The following PPARG variants were observed in gnomAD, a reference collection of about 807,000 sequenced individuals.
PPARG encodes peroxisome proliferator activated receptor gamma.
Under a neutral mutation model 39.2 loss-of-function variants are expected in PPARG, and 17 were observed. The ratio of observed to expected loss-of-function variants is 0.43; its 90% CI spans 0.30 to 0.65. PPARG has a LOEUF of 0.65. Among genes scored for constraint, PPARG ranks in the 30% least tolerant of loss-of-function variants. The pLI, the probability that PPARG is intolerant of heterozygous loss-of-function variation, is 0.13. For synonymous variants in PPARG, 223 were observed against 215.7 expected (o/e 1.03, Z -0.30); for missense variants, 406 against 585.9 (o/e 0.69, Z 3.17).
rs138031960 is a variant in PPARG, at chr3:12,337,407, G to A, written c.-9+24954G>A. 1.2e-3 allele frequency among the ~76,000 whole-genome samples: 176 copies of A among 152,310 alleles called. 1 individual carries two copies. Among genetic ancestry groups the A allele is most frequent in the East Asian group, 7.3e-3 (38 of 5,190 alleles). On this transcript the variant is annotated intron_variant, in intron 2 of 7. Transcript: ENST00000651735. ...AAAAAGTGGGAGGACAGGTGGGTGT[G>A]TGGGCAGAGTATAGCAATAATATTG...
intron 2 of PPARG, among the ~76,000 whole-genome samples, chr3:12,321,278 T>TCA (rs1179779555): frequency 6.6e-6 from 1 of 152,212 alleles, no homozygotes; most frequent in Admixed American, 6.5e-5. Flanking sequence ...TTCCCTCTGA[T>TCA]ACATGGAAGT....
intron 1 of PPARG, among the ~76,000 whole-genome samples, chr3:12,311,630 C>T (rs905151152): frequency 2.6e-5 from 4 of 150,988 alleles, no homozygotes; most frequent in African/African-American, 9.8e-5. Flanking sequence ...TGTAGAATGT[C>T]GGGTCTCGAT....
Position 12,405,919 on chromosome 3 carries a change from G to A in PPARG, c.567G>A (p.Glu189=). The change falls in exon 6 of 8, where the codon GAG becomes GAA. Residue 189 remains glutamate (E), a synonymous_variant. Coordinates refer to ENST00000651735, the MANE Select transcript of PPARG (RefSeq NM_138711.6). The part of the protein sequence containing the change: ...RFGRMPQAEK[E]KLLAEISSDI... ...GGCGGATGCCACAGGCCGAGAAGGA[G>A]AAGCTGTTGGCGGAGATCTCCAGTG... The A allele has an allele frequency of 1.9e-6, 3 of 1,614,186 alleles. No individual in the cohort carries two copies. The highest frequency in any genetic ancestry group is 2.5e-6 in the Non-Finnish European group (3 of 1,180,024).
chr3:12,301,559 G>T (rs537807688), intron 1 of PPARG: 1 of 152,266 alleles, frequency 6.6e-6, no homozygotes, highest in South Asian at 2.1e-4. Flanking sequence ...AAATACCAAA[G>T]AAACTGCTTT....
chr3:12,297,960 G>A (rs1457257968), intron 1 of PPARG: 2 of 151,932 alleles, frequency 1.3e-5, no homozygotes, highest in Non-Finnish European at 2.9e-5. Flanking sequence ...TGTTACAAAT[G>A]TTCATTATGA....
At chr3:12,429,167 G>A (rs2051564516) in intron 7 of PPARG, among the ~76,000 whole-genome samples, 1 of 152,080 alleles carries the variant, frequency 6.6e-6, no homozygotes, top group African/African-American at 2.4e-5. Context: ...TTACTCCGTG[G>A]CCACAAAATT....
At chr3:12,388,147 C>T (rs2049948362) in intron 4 of PPARG, among the ~76,000 whole-genome samples, 1 of 152,122 alleles carries the variant, frequency 6.6e-6, no homozygotes, top group Non-Finnish European at 1.5e-5. Context: ...TATACATTAG[C>T]ATTCTGTTCA....
intron 2 of PPARG, among the ~76,000 whole-genome samples, chr3:12,314,548 A>G (rs2047336733): frequency 6.6e-6 from 1 of 152,110 alleles, no homozygotes; most frequent in Non-Finnish European, 1.5e-5. Context: ...AACATCCTTA[A>G]TCTCATTTGA....
At chr3:12,369,976 A>G (rs1163035236) in intron 2 of PPARG, among the ~76,000 whole-genome samples, 3 of 152,092 alleles carry the variant, frequency 2.0e-5, no homozygotes, top group Non-Finnish European at 4.4e-5. Flanking sequence ...GCTGCTCTGT[A>G]TCTGTAGCCT....
At chr3:12,330,508 T>C (rs1269965285) in intron 2 of PPARG, among the ~76,000 whole-genome samples, 3 of 152,134 alleles carry the variant, frequency 2.0e-5, no homozygotes, top group Non-Finnish European at 1.5e-5. Flanking sequence ...CTTTCTATTC[T>C]TCTCTCACTT....
At chr3:12,306,315 C>A (rs922505930) in intron 1 of PPARG, among the ~76,000 whole-genome samples, 5 of 152,192 alleles carry the variant, frequency 3.3e-5, no homozygotes, top group African/African-American at 9.7e-5. Context: ...AATGTTCGCT[C>A]GCCCACCACT....
At chr3:12,425,291 C>A (rs937992090) in intron 7 of PPARG, among the ~76,000 whole-genome samples, 7 of 152,132 alleles carry the variant, frequency 4.6e-5, no homozygotes, top group Admixed American at 4.6e-4. Flanking sequence ...TGTGTTTAGA[C>A]CATATTTAGA....
chr3:12,335,600 T>C (rs933315531), intron 2 of PPARG, among the ~76,000 whole-genome samples: 3 of 152,214 alleles, frequency 2.0e-5, no homozygotes, highest in Non-Finnish European at 2.9e-5. Flanking sequence ...ATCTGGTTGC[T>C]TGAAAAGTGG....
chr3:12,378,917 T>C (rs2049517789), intron 2 of PPARG, among the ~76,000 whole-genome samples: 1 of 152,230 alleles, frequency 6.6e-6, no homozygotes, highest in Non-Finnish European at 1.5e-5. Context: ...ATGATAATCA[T>C]TTCATAGTAA....
intron 6 of PPARG, among the ~76,000 whole-genome samples, chr3:12,411,529 A>G (rs1311717157): frequency 6.6e-6 from 1 of 152,208 alleles, no homozygotes; most frequent in African/African-American, 2.4e-5. Context: ...TCATCCTAGA[A>G]CAATCATTTT....
chr3:12,430,800 T>C (rs149640679), intron 7 of PPARG, among the ~76,000 whole-genome samples: 123 of 152,122 alleles, frequency 8.1e-4, no homozygotes, highest in Middle Eastern at 3.4e-3. Context: ...GAAGAAATGG[T>C]TGAAGTCAAT....
At chr3:12,293,834 C>A (rs2046711271) in intron 1 of PPARG, among the ~76,000 whole-genome samples, 1 of 152,144 alleles carries the variant, frequency 6.6e-6, no homozygotes, top group Middle Eastern at 3.2e-3. Context: ...TCAAACTGTT[C>A]GAGTGCAATG....
At chr3:12,374,907 A>G (rs2049352978) in intron 2 of PPARG, among the ~76,000 whole-genome samples, 1 of 152,220 alleles carries the variant, frequency 6.6e-6, no homozygotes, top group Admixed American at 6.5e-5. Flanking sequence ...AGAAAACAGC[A>G]TCCTTTTAGC....
At chr3:12,419,286 G>T (rs1559534251) in intron 7 of PPARG, among the ~76,000 whole-genome samples, 1 of 151,990 alleles carries the variant, frequency 6.6e-6, no homozygotes, top group Non-Finnish European at 1.5e-5. Flanking sequence ...ACCTGGCATG[G>T]TTTAATATCT....
Sources: gnomAD v4.1 joint callset for allele counts (sites outside exome capture counted in the v4.1 genomes callset) on GRCh38, gnomAD v4.1.1 for gene constraint, MANE v1.5 for transcripts, NCBI Gene and HGNC (gene_info 2026-07-23, HGNC 2026-07-21) for gene names.